Variants in ROBO1 observed in about 807,000 individuals in gnomAD.
The protein encoded by ROBO1 is roundabout guidance receptor 1, also known as roundabout homolog 1.
Under a neutral mutation model 195.9 loss-of-function variants are expected in ROBO1, and 149 were observed. The observed-to-expected ratio is 0.76, with a 90% confidence interval of 0.67 to 0.87. ROBO1 has a LOEUF of 0.87. Ranked by LOEUF, ROBO1 falls within the 40% of genes least tolerant of loss-of-function variation. ROBO1 has a pLI of 0.00. For synonymous variants in ROBO1, 816 were observed against 733.2 expected (o/e 1.11, Z -1.82); for missense variants, 1,933 against 2,068.3 (o/e 0.93, Z 1.27).
At chr3:79,200,851 C>T (rs1029378429) in intron 2 of ROBO1, among the ~76,000 whole-genome samples, 12 of 151,866 alleles carry the variant, frequency 7.9e-5, no homozygotes, top group Non-Finnish European at 1.3e-4. Context: ...TAGTTAAATG[C>T]TTAGCTCTCA....
At chr3:78,616,482 T>C (rs975370105) in intron 27 of ROBO1, among the ~76,000 whole-genome samples, 2 of 152,144 alleles carry the variant, frequency 1.3e-5, no homozygotes, top group East Asian at 1.9e-4. Context: ...CTGTAACACA[T>C]TCTTGATAAA....
chr3:78,664,969 G>A (rs974966876), intron 14 of ROBO1, among the ~76,000 whole-genome samples: 3 of 152,004 alleles, frequency 2.0e-5, no homozygotes, highest in East Asian at 3.9e-4. Flanking sequence ...CTGTTGCCTC[G>A]AGCTAGAATA....
At chr3:79,096,021 T>G (rs778775235) in intron 3 of ROBO1, among the ~76,000 whole-genome samples, 1 of 152,054 alleles carries the variant, frequency 6.6e-6, no homozygotes, top group Non-Finnish European at 1.5e-5. Flanking sequence ...CCAAAAATAT[T>G]ATAGTGAACA....
chr3:79,692,448 T>C (rs1947324058), intron 1 of ROBO1, among the ~76,000 whole-genome samples: 1 of 152,020 alleles, frequency 6.6e-6, no homozygotes, highest in Non-Finnish European at 1.5e-5. Context: ...GGGTGATTAG[T>C]GTCTTCAGAC....
intron 4 of ROBO1, among the ~76,000 whole-genome samples, chr3:78,769,027 C>T (rs956090692): frequency 3.9e-5 from 6 of 151,938 alleles, no homozygotes; most frequent in East Asian, 1.9e-4. Flanking sequence ...CTGTTGAATG[C>T]GTATTCTGCA....
intron 3 of ROBO1, among the ~76,000 whole-genome samples, chr3:78,996,954 T>C (rs1418868899): frequency 2.6e-5 from 4 of 152,196 alleles, no homozygotes; most frequent in African/African-American, 7.2e-5. Flanking sequence ...AGTATCTTCA[T>C]GTAGATATAA....
At chr3:78,704,440 C>A (rs560325907) in intron 8 of ROBO1, among the ~76,000 whole-genome samples, 1 of 151,972 alleles carries the variant, frequency 6.6e-6, no homozygotes, top group Non-Finnish European at 1.5e-5. Context: ...ACAAAGTAGG[C>A]CTTCTTTCCT....
intron 2 of ROBO1, among the ~76,000 whole-genome samples, chr3:79,296,017 G>A (rs1639425921): frequency 1.3e-5 from 2 of 152,166 alleles, no homozygotes; most frequent in South Asian, 4.1e-4. Flanking sequence ...AAAGTTGAAG[G>A]AGACAGAAAA....
intron 2 of ROBO1, among the ~76,000 whole-genome samples, chr3:79,151,959 C>T (rs994334943): frequency 2.0e-5 from 3 of 151,820 alleles, no homozygotes; most frequent in Non-Finnish European, 4.4e-5. Flanking sequence ...AGTAATTTTA[C>T]TGACATTTTC....
intron 4 of ROBO1, among the ~76,000 whole-genome samples, chr3:78,823,393 C>A (rs2031228417): frequency 6.6e-6 from 1 of 152,068 alleles, no homozygotes; most frequent in Non-Finnish European, 1.5e-5. Flanking sequence ...ATTTACTATC[C>A]TATTTCTCTA....
chr3:78,970,130 T>G (rs1335214670), intron 3 of ROBO1, among the ~76,000 whole-genome samples: 1 of 152,112 alleles, frequency 6.6e-6, no homozygotes, highest in Non-Finnish European at 1.5e-5. Context: ...AGAGAAAAAG[T>G]AAACTTACAA....
At chr3:79,377,322 A>G (rs2109357613) in intron 2 of ROBO1, among the ~76,000 whole-genome samples, 1 of 152,360 alleles carries the variant, frequency 6.6e-6, no homozygotes, top group South Asian at 2.1e-4. Context: ...AAAATTTAAC[A>G]GCTTTTCTCC....
At chr3:79,754,359 C>A (rs570641945) in intron 1 of ROBO1, among the ~76,000 whole-genome samples, 1 of 152,298 alleles carries the variant, frequency 6.6e-6, no homozygotes, top group Non-Finnish European at 1.5e-5. Context: ...CTTGTATTCA[C>A]TTCAGTGCCT....
intron 2 of ROBO1, among the ~76,000 whole-genome samples, chr3:79,266,105 T>C (rs2029921146): frequency 6.6e-6 from 1 of 151,600 alleles, no homozygotes; most frequent in South Asian, 2.1e-4. Flanking sequence ...TGAGCTATTA[T>C]ATGCACATGT....
At chr3:79,252,792 TCA>T (rs1318016641) in intron 2 of ROBO1, among the ~76,000 whole-genome samples, 1 of 152,196 alleles carries the variant, frequency 6.6e-6, no homozygotes, top group African/African-American at 2.4e-5. Context: ...AATTTTATAA[TCA>T]GTTTATAAAT....
intron 2 of ROBO1, among the ~76,000 whole-genome samples, chr3:79,568,594 C>T (rs942801850): frequency 6.7e-6 from 1 of 149,968 alleles, no homozygotes; most frequent in African/African-American, 2.5e-5. Flanking sequence ...TTAGGACAGT[C>T]TTTCATTCTC....
intron 3 of ROBO1, among the ~76,000 whole-genome samples, chr3:79,048,207 G>C (rs1340681339): frequency 6.6e-6 from 1 of 152,020 alleles, no homozygotes; most frequent in Non-Finnish European, 1.5e-5. Context: ...TTAAACCTCT[G>C]GCTTTGATGA....
Position 78,669,735 on chromosome 3 carries a change from C to T in ROBO1, c.1548+361G>A, listed in dbSNP as rs530281720. 2.0e-4 allele frequency among the ~76,000 whole-genome samples: 30 copies of T among 152,242 alleles called. No homozygotes were observed. The South Asian group carries it at 5.6e-3, about 28-fold the overall frequency. On this transcript the variant is annotated intron_variant, in intron 11 of 30. Coordinates refer to ENST00000464233, the MANE Select transcript of ROBO1 (RefSeq NM_002941.4). ...AGAAGAACTATCTAAATATATTGCA[C>T]ATAAAATGATACAGGTAAATATCTT...
intron 2 of ROBO1, among the ~76,000 whole-genome samples, chr3:79,513,507 A>G (rs537919882): frequency 2.6e-5 from 4 of 151,716 alleles, no homozygotes; most frequent in East Asian, 2.0e-4. Context: ...TTCTCATGAA[A>G]GTTCCCTCTT....
Sources: allele counts gnomAD v4.1 joint callset (sites outside exome capture counted in the v4.1 genomes callset), GRCh38; gene constraint gnomAD v4.1.1; transcripts MANE v1.5; gene names NCBI Gene and HGNC (gene_info 2026-07-23, HGNC 2026-07-21).